REPS1: variants seen among roughly 807,000 people sequenced by gnomAD.
REPS1 encodes the protein RALBP1 associated Eps domain containing 1.
A neutral mutation model predicts 100.9 loss-of-function variants in REPS1; 39 were observed. That is an observed-to-expected ratio of 0.39 (90% CI 0.30 to 0.50). The LOEUF (loss-of-function observed/expected upper bound fraction) is 0.50. Among genes scored for constraint, REPS1 ranks in the 20% least tolerant of loss-of-function variants. The pLI is 0.86. For synonymous variants in REPS1, 324 were observed against 340.3 expected, an observed-to-expected ratio of 0.95 and a Z score of 0.53; for missense variants, 821 against 968.5, an observed-to-expected ratio of 0.85 and a Z score of 2.02.
intron 1 of REPS1, among the ~76,000 whole-genome samples, chr6:138,981,384 A>G (rs1056622710): frequency 6.6e-6 from 1 of 152,238 alleles, no homozygotes; most frequent in Admixed American, 6.5e-5. Flanking sequence ...GAGGGAAAAG[A>G]TGAGTGAAGA....
rs375535781 is a variant in REPS1 at position 138,940,675 on chromosome 6, G to A, written c.1135+660C>T. Among the ~76,000 whole-genome samples the A allele has an allele frequency of 5.3e-5, 8 of 151,838 alleles. No individual in the cohort carries two copies. The South Asian group carries it at 1.5e-3, about 28-fold the overall frequency. Reference sequence around the variant, plus strand: ...GCAGGAGAATCGCTTGAACCCGGGAGGTGGAGACTGCAGTGAGCCGAGATC... The same window carrying A: ...GCAGGAGAATCGCTTGAACCCGGGAAGTGGAGACTGCAGTGAGCCGAGATC... On this transcript the variant is annotated intron_variant, in intron 8 of 19. Transcript: ENST00000450536.
At chr6:138,923,357 C>T (rs1780904092) in intron 10 of REPS1, among the ~76,000 whole-genome samples, 2 of 152,030 alleles carry the variant, frequency 1.3e-5, no homozygotes, top group South Asian at 4.2e-4. Context: ...AGTCTTATTC[C>T]AAATACAAAG....
At chr6:138,934,515 C>T (rs1246735551) in intron 8 of REPS1, among the ~76,000 whole-genome samples, 1 of 152,206 alleles carries the variant, frequency 6.6e-6, no homozygotes, top group Admixed American at 6.5e-5. Flanking sequence ...CCTATCTATC[C>T]TTTCAAAGAA....
At chr6:138,911,175 G>A (rs1779979288) in intron 17 of REPS1, 101 bp downstream of exon 17, 1 of 764,588 alleles carries the variant, frequency 1.3e-6, no homozygotes, top group East Asian at 2.7e-5. Flanking sequence ...GTTAAAGGCA[G>A]AGAAATGGGT....
chr6:138,922,578 T>C (rs1341015378), intron 10 of REPS1, among the ~76,000 whole-genome samples: 4 of 152,150 alleles, frequency 2.6e-5, no homozygotes, highest in African/African-American at 7.2e-5. Context: ...TAGGACACAG[T>C]AGGCCTGATC....
At chr6:138,960,717 G>A (rs78275466) in intron 1 of REPS1, among the ~76,000 whole-genome samples, 185 of 152,134 alleles carry the variant, frequency 1.2e-3, no homozygotes, top group African/African-American at 4.2e-3. Flanking sequence ...ATTATTCTTC[G>A]ATACTACATC....
chr6:138,929,910 C>T (rs1781379482), intron 9 of REPS1, 67 bp downstream of exon 9: 3 of 1,516,270 alleles, frequency 2.0e-6, no homozygotes, highest in Admixed American at 1.7e-5. Context: ...ACTGAAATTG[C>T]CCTCTTTGGA....
intron 1 of REPS1, among the ~76,000 whole-genome samples, chr6:138,983,408 T>C (rs1163942527): frequency 2.0e-5 from 3 of 152,162 alleles, no homozygotes; most frequent in Non-Finnish European, 2.9e-5. Flanking sequence ...TGAGCCGAGA[T>C]TGCACCACTG....
chr6:138,932,306 C>CTTT, intron 8 of REPS1, among the ~76,000 whole-genome samples: 2 of 151,572 alleles, frequency 1.3e-5, no homozygotes, highest in East Asian at 3.9e-4. Flanking sequence ...ACCACAGACC[C>CTTT]CTAAGAGTCC....
intron 7 of REPS1, among the ~76,000 whole-genome samples, chr6:138,943,174 T>A (rs764911036): frequency 1.3e-4 from 20 of 152,254 alleles, no homozygotes; most frequent in Non-Finnish European, 2.5e-4. Flanking sequence ...CCTAAACTTA[T>A]GGCATGGTAT....
Position 138,908,788 on chromosome 6 carries a change from G to C in REPS1, c.2096C>G (p.Pro699Arg). 5 of 1,613,738 alleles carry C rather than the reference G, an allele frequency of 3.1e-6. No individual in the cohort carries two copies. Among genetic ancestry groups the C allele is most frequent in the Non-Finnish European group, 4.2e-6 (5 of 1,179,916 alleles). ...TAATCTTCTTCGAACAGGTTTAGGT[G>C]GTGGAGCAAGTGGTGTTGTGCCTTT... The part of the protein sequence containing the change: ...VSKGTTPLAP[P>R]PKPVRRRLKS... The change falls in exon 18 of 20, where the codon CCA becomes CGA. Residue 699 changes from proline to arginine, a missense_variant. Around this residue, in one of 3 missense-constraint regions of REPS1, gnomAD observed 757 missense variants for 866.4 expected, o/e 0.87. Transcript: ENST00000450536.
intron 8 of REPS1, among the ~76,000 whole-genome samples, chr6:138,930,653 G>A (rs1366636586): frequency 6.6e-6 from 1 of 151,764 alleles, no homozygotes; most frequent in Admixed American, 6.6e-5. Flanking sequence ...TATTCCCTTG[G>A]AATATACTTT....
At chr6:138,965,442 C>T (rs549302431) in intron 1 of REPS1, among the ~76,000 whole-genome samples, 1 of 151,598 alleles carries the variant, frequency 6.6e-6, no homozygotes, top group Admixed American at 6.6e-5. Flanking sequence ...TTGAAAAATA[C>T]TACAACCACC....
chr6:138,917,686 T>A, intron 12 of REPS1, 59 bp from the exon 13 acceptor site: 1 of 1,370,002 alleles, frequency 7.3e-7, no homozygotes, highest in Non-Finnish European at 1.0e-6. Flanking sequence ...TTGCTCTATC[T>A]ACTCCAAACA....
chr6:138,912,947 G>A lies in REPS1; in HGVS notation c.1789C>T (p.Pro597Ser), dbSNP rs142256155. The A allele has an allele frequency of 1.4e-3, 2,291 of 1,612,554 alleles. 23 individuals carry two copies. The African/African-American group carries it at 0.024, about 17-fold the overall frequency. ...VPPRPQPSQA[P>S]GPAVHRPVDA... ...ACTGGGCGATGCACAGCAGGACCAG[G>A]AGCCTGTGCAATGGTTCAGAACAGA... Residue 597 changes from proline (P) to serine (S), a missense_variant, in exon 16 of 20, where the codon CCT (proline) becomes TCT (serine). Coordinates refer to ENST00000450536, the MANE Select transcript of REPS1 (RefSeq NM_001286611.2).
At chr6:138,944,282 C>T (rs991427953) in intron 5 of REPS1, among the ~76,000 whole-genome samples, 2 of 152,122 alleles carry the variant, frequency 1.3e-5, no homozygotes, top group Admixed American at 6.6e-5. Context: ...GATGCAGAAA[C>T]CTTTCAAAAC....
At chr6:138,969,232 G>A (rs903832612) in intron 1 of REPS1, among the ~76,000 whole-genome samples, 1 of 133,334 alleles carries the variant, frequency 7.5e-6, no homozygotes, top group Non-Finnish European at 1.6e-5. Flanking sequence ...TTCTGCCCTA[G>A]TTGCAAACAA....
intron 1 of REPS1, among the ~76,000 whole-genome samples, chr6:138,970,599 T>C (rs1784290541): frequency 6.6e-6 from 1 of 151,998 alleles, no homozygotes; most frequent in Admixed American, 6.6e-5. Context: ...CTGGCCAACA[T>C]GGCGAAACCC....
Position 138,912,752 on chromosome 6 carries a change from C to A in REPS1, c.1971+13G>T. 5 of 1,614,056 alleles carry A rather than the reference C, an allele frequency of 3.1e-6. No individual in the cohort carries two copies. The highest frequency in any genetic ancestry group is 4.2e-6 in the Non-Finnish European group (5 of 1,179,940). On this transcript the variant is annotated intron_variant, in intron 16 of 19. Coordinates refer to ENST00000450536, the MANE Select transcript of REPS1 (RefSeq NM_001286611.2). ...CTGCCTGCAGAAAATTAGCCAAGCC[C>A]TCGAAAACTGACCGGCAGGACTTCT...
Sources: allele counts gnomAD v4.1 joint callset (sites outside exome capture counted in the v4.1 genomes callset), GRCh38; gene constraint gnomAD v4.1.1; regional missense constraint gnomAD v4.1.1; transcripts MANE v1.5; gene names NCBI Gene and HGNC (gene_info 2026-07-23, HGNC 2026-07-21).